KLHL7: variants seen among roughly 807,000 people sequenced by gnomAD.
KLHL7 encodes the protein kelch like family member 7.
Under a neutral mutation model 67.4 loss-of-function variants are expected in KLHL7, and 44 were observed. That is an observed-to-expected ratio of 0.65 (90% CI 0.51 to 0.84). The LOEUF is 0.84. Ranked by LOEUF, KLHL7 falls within the 40% of genes least tolerant of loss-of-function variation. KLHL7 has a pLI of 0.00. For synonymous variants in KLHL7, 252 were observed against 243.3 expected (o/e 1.04, Z -0.33); for missense variants, 362 against 718.1 (o/e 0.50, Z 5.67).
chr7:23,118,287 C>T (rs921275248), intron 1 of KLHL7, among the ~76,000 whole-genome samples: 9 of 152,316 alleles, frequency 5.9e-5, no homozygotes, highest in East Asian at 3.9e-4. Context: ...CTTTATGACG[C>T]GTTGAGTATC....
At chr7:23,141,707 C>T (rs974880924) in intron 5 of KLHL7, among the ~76,000 whole-genome samples, 2 of 152,112 alleles carry the variant, frequency 1.3e-5, no homozygotes, top group Non-Finnish European at 2.9e-5. Flanking sequence ...ACTGCAAGCT[C>T]CTTCTCCCGA....
At chr7:23,172,800 G>A in intron 9 of KLHL7, 148 bp from the exon 10 acceptor site, 1 of 629,902 alleles carries the variant, frequency 1.6e-6, no homozygotes, top group South Asian at 1.9e-5. Flanking sequence ...TTCAACTTTT[G>A]TTTTCTACCC....
At chr7:23,163,373 TG>T (rs1784908045) in intron 7 of KLHL7, among the ~76,000 whole-genome samples, 2 of 152,176 alleles carry the variant, frequency 1.3e-5, no homozygotes, top group Admixed American at 1.3e-4. Context: ...GGTTTCACCA[TG>T]TTGGCCAGGC....
At chr7:23,119,824 A>G (rs1429042819) in intron 1 of KLHL7, among the ~76,000 whole-genome samples, 6 of 151,768 alleles carry the variant, frequency 4.0e-5, no homozygotes, top group African/African-American at 1.5e-4. Flanking sequence ...CTCATACAAG[A>G]TAGCTAATTG....
At chr7:23,158,842 G>A (rs1200873822) in intron 7 of KLHL7, among the ~76,000 whole-genome samples, 1 of 152,200 alleles carries the variant, frequency 6.6e-6, no homozygotes, top group Non-Finnish European at 1.5e-5. Context: ...CAATGACTGT[G>A]TTGGTGGCAT....
chr7:23,164,548 T>C (rs1056410193), intron 7 of KLHL7, among the ~76,000 whole-genome samples: 6 of 152,258 alleles, frequency 3.9e-5, no homozygotes, highest in Non-Finnish European at 8.8e-5. Context: ...GAACATGTTA[T>C]GTTTATCACA....
At chr7:23,121,968 C>T (rs1191643064) in intron 1 of KLHL7, among the ~76,000 whole-genome samples, 2 of 152,134 alleles carry the variant, frequency 1.3e-5, no homozygotes, top group Admixed American at 6.5e-5. Flanking sequence ...AGGCATGAGT[C>T]GCTGCACCCG....
At chr7:23,118,167 A>G (rs527431992) in intron 1 of KLHL7, among the ~76,000 whole-genome samples, 2 of 152,364 alleles carry the variant, frequency 1.3e-5, no homozygotes, top group Non-Finnish European at 2.9e-5. Flanking sequence ...ATACCAACAG[A>G]TGCCTAAAAT....
intron 7 of KLHL7, among the ~76,000 whole-genome samples, chr7:23,154,414 G>A (rs2178138): frequency 0.93 from 140,812 of 152,148 alleles, 65,343 homozygotes; most frequent in East Asian, 0.99. Flanking sequence ...GGTGGATTTG[G>A]CCTTCAGGCC....
At position 23,133,871 on chromosome 7, in the gene KLHL7, A is replaced by G. The variant is rs538669120; in HGVS notation, c.443-6898A>G. The stretch of plus-strand genomic sequence containing the variant: ...CTTGTGGAGTCTTTTAGTTTCTCCA[A>G]ATATAAGATCATATTGTCTGCAAAC... On this transcript the variant is annotated intron_variant, in intron 4 of 10. Transcript: ENST00000339077. Among the ~76,000 whole-genome samples, 7 of 152,302 alleles carry G rather than the reference A, an allele frequency of 4.6e-5. No homozygotes were observed. In the South Asian group the frequency reaches 1.5e-3, roughly 32 times the overall value.
intron 8 of KLHL7, 70 bp from the exon 9 acceptor site, chr7:23,167,766 C>T: frequency 7.3e-7 from 1 of 1,375,530 alleles, no homozygotes; most frequent in Non-Finnish European, 1.0e-6. Flanking sequence ...CTAATAAGAT[C>T]TACAGTCAGT....
chr7:23,136,521 CA>C (rs1783981317), intron 4 of KLHL7, among the ~76,000 whole-genome samples: 5 of 152,124 alleles, frequency 3.3e-5, no homozygotes, highest in African/African-American at 4.8e-5. Context: ...AGCTAGATAA[CA>C]CAGAATGTTT....
intron 4 of KLHL7, among the ~76,000 whole-genome samples, chr7:23,138,076 TGAGGCAGGAGGACTGCTTGAACCTGG>T (rs1784044875): frequency 6.6e-6 from 1 of 151,762 alleles, no homozygotes; most frequent in African/African-American, 2.4e-5. Flanking sequence ...CTCAGGAGGC[TGAGGCAGGAGGACTGCTTGAACCTGG>T]GAGGCAGAAG....
In KLHL7 at chr7:23,174,169, C is replaced by T. The variant is rs767928951; in HGVS notation, c.1632C>T (p.His544=). Residue 544 remains histidine (H), a synonymous_variant, in exon 11 of 11, where the codon CAC becomes CAT. Coordinates refer to ENST00000339077, the MANE Select transcript of KLHL7 (RefSeq NM_001031710.3). ...AGFQGVGRLG[H]ILEYNTETDK... is the part of the protein sequence containing the mutation. ...TTCAGGGTGTTGGTCGATTAGGACA[C>T]ATTCTCGAATATAATACCGAAACAG... The T allele has an allele frequency of 1.9e-6, 3 of 1,614,156 alleles. No individual in the cohort carries two copies. Among genetic ancestry groups the T allele is most frequent in the Non-Finnish European group, 2.5e-6 (3 of 1,180,004 alleles).
chr7:23,144,047 T>C, intron 6 of KLHL7, 22 bp downstream of exon 6: 1 of 1,598,220 alleles, frequency 6.3e-7, no homozygotes, highest in Non-Finnish European at 8.6e-7. Context: ...TAATAACCAT[T>C]TATAACCTGA....
intron 6 of KLHL7, among the ~76,000 whole-genome samples, chr7:23,150,607 A>T (rs1419475393): frequency 2.0e-5 from 3 of 152,164 alleles, no homozygotes; most frequent in Non-Finnish European, 4.4e-5. Context: ...CCTAACAGTG[A>T]ACTTTAGATT....
At chr7:23,128,438 A>AG (rs1402246433) in intron 4 of KLHL7, among the ~76,000 whole-genome samples, 1 of 51,082 alleles carries the variant, frequency 2.0e-5, no homozygotes, top group Non-Finnish European at 3.8e-5. Flanking sequence ...AAAAAAAAAA[A>AG]AAAAAAAAAA....
intron 9 of KLHL7, among the ~76,000 whole-genome samples, chr7:23,168,299 C>G (rs1785060594): frequency 6.6e-6 from 1 of 152,170 alleles, no homozygotes; most frequent in African/African-American, 2.4e-5. Context: ...TGAGACACAT[C>G]TGATTGATTC....
chr7:23,176,095 TTC>T lies in KLHL7; in HGVS notation c.*1798_*1799del, dbSNP rs1160976102. ...GTACTGATTAGCAATGGTTCCCTATTTCCCCCAACGCCCCTGTATTTCCTAGG... is the reference window on the plus strand; with the variant it reads ...GTACTGATTAGCAATGGTTCCCTATTCCCCAACGCCCCTGTATTTCCTAGG... On this transcript the variant is annotated 3_prime_UTR_variant, in exon 11 of 11. Transcript: ENST00000339077. 6.6e-6 allele frequency: 1 copy of T among 152,182 alleles called. No individual in the cohort carries two copies. Among genetic ancestry groups the T allele is most frequent in the African/African-American group, 2.4e-5 (1 of 41,428 alleles). The allele number at this position is 152,182 out of a possible 1,614,324, so 9.4% of individuals were successfully genotyped here. A position where few individuals can be genotyped will look rare whatever the true frequency, so the allele number is the denominator to read the frequency against.
Sources: gnomAD v4.1 joint callset for allele counts (sites outside exome capture counted in the v4.1 genomes callset) on GRCh38, gnomAD v4.1.1 for gene constraint, MANE v1.5 for transcripts, NCBI Gene and HGNC (gene_info 2026-07-23, HGNC 2026-07-21) for gene names.